The following RAPGEF2 variants were observed in gnomAD, a reference collection of about 807,000 sequenced individuals.
RAPGEF2 encodes the protein PDZ domain containing guanine nucleotide exchange factor (GEF) 1.
In RAPGEF2, 54 loss-of-function variants were observed where a neutral mutation model predicts 186.7. That is an observed-to-expected ratio of 0.29 (90% confidence interval 0.23 to 0.36). The LOEUF is 0.36. RAPGEF2 is among the 10% of genes least tolerant of loss of function. RAPGEF2 has a pLI of 1.00. For synonymous variants in RAPGEF2, 712 were observed against 705.9 expected, an observed-to-expected ratio of 1.01 and a Z score of -0.14; for missense variants, 1,532 against 2,045.0, an observed-to-expected ratio of 0.75 and a Z score of 4.84.
intron 7 of RAPGEF2, among the ~76,000 whole-genome samples, chr4:159,262,814 T>G (rs560902779): frequency 6.8e-6 from 1 of 146,582 alleles, no homozygotes; most frequent in Non-Finnish European, 1.5e-5. Flanking sequence ...ATAAACAGTT[T>G]GCCGTCAGAA....
chr4:159,276,929 T>A (rs1181793732), intron 7 of RAPGEF2, among the ~76,000 whole-genome samples: 3 of 152,230 alleles, frequency 2.0e-5, no homozygotes, highest in Non-Finnish European at 2.9e-5. Flanking sequence ...TATCTTTTTT[T>A]AATTATTATT....
chr4:159,227,959 A>C (rs571550288), intron 4 of RAPGEF2, among the ~76,000 whole-genome samples: 3 of 152,340 alleles, frequency 2.0e-5, no homozygotes, highest in East Asian at 3.9e-4. Context: ...TATTGCCAGC[A>C]CAAAGCATTT....
intron 17 of RAPGEF2, among the ~76,000 whole-genome samples, chr4:159,334,423 T>A (rs10020558): frequency 0.017 from 2,648 of 152,158 alleles, 77 homozygotes; most frequent in African/African-American, 0.059. Context: ...TAATTTTTTT[T>A]ATTTTTAGTA....
chr4:159,295,740 TGTGTGTGTGTGTGTGC>T (rs1381533276), intron 7 of RAPGEF2, among the ~76,000 whole-genome samples: 30 of 134,316 alleles, frequency 2.2e-4, no homozygotes, highest in African/African-American at 5.3e-4. Flanking sequence ...TGTGTGTGTG[TGTGTGTGTGTGTGTGC>T]GCGCGCGCGC....
intron 4 of RAPGEF2, among the ~76,000 whole-genome samples, chr4:159,225,821 A>G (rs1455305714): frequency 2.0e-5 from 3 of 152,160 alleles, no homozygotes; most frequent in Non-Finnish European, 4.4e-5. Flanking sequence ...GTTTTAAAAA[A>G]TTGGATTATT....
At chr4:159,170,683 TG>T (rs1367749110) in intron 1 of RAPGEF2, among the ~76,000 whole-genome samples, 1 of 152,230 alleles carries the variant, frequency 6.6e-6, no homozygotes, top group Non-Finnish European at 1.5e-5. Context: ...ACTGTTTTCT[TG>T]GCTATACAGA....
chr4:159,154,537 A>G (rs1453774106), intron 1 of RAPGEF2, among the ~76,000 whole-genome samples: 1 of 151,860 alleles, frequency 6.6e-6, no homozygotes, highest in African/African-American at 2.4e-5. Flanking sequence ...ACAACCACCA[A>G]AAAACAAATT....
intron 8 of RAPGEF2, among the ~76,000 whole-genome samples, chr4:159,311,762 A>G (rs958371250): frequency 1.3e-5 from 2 of 152,162 alleles, no homozygotes; most frequent in Admixed American, 6.5e-5. Context: ...TTTTAACTCC[A>G]CTTAATCTCT....
In RAPGEF2 at chr4:159,125,675, G is replaced by A. The variant is rs148476816; in HGVS notation, c.69+21444G>A. On this transcript the variant is annotated intron_variant, in intron 1 of 29. Coordinates refer to ENST00000691494, the MANE Select transcript of RAPGEF2 (RefSeq NM_001394067.2). ...CAGGAGGCTGAGGCAGGAGAATGGCGTGAACATGGGTGGCAGAGCTTGCAG... is the reference window on the plus strand; with the variant it reads ...CAGGAGGCTGAGGCAGGAGAATGGCATGAACATGGGTGGCAGAGCTTGCAG... Among the ~76,000 whole-genome samples, 32 of 151,878 alleles carry A rather than the reference G, an allele frequency of 2.1e-4. No homozygotes were observed. In the East Asian group the frequency reaches 3.3e-3, roughly 16 times the overall value.
chr4:159,295,754 TGCGC>T (rs66478721), intron 7 of RAPGEF2, among the ~76,000 whole-genome samples: 3,070 of 113,928 alleles, frequency 0.027, 33 homozygotes, highest in Non-Finnish European at 0.03. Flanking sequence ...TGTGTGTGTG[TGCGC>T]GCGCGCGCGC....
Position 159,241,815 on chromosome 4 carries a change from T to A in RAPGEF2, c.525+447T>A, listed in dbSNP as rs77378116. Among the ~76,000 whole-genome samples, 715 of 152,154 alleles carry A rather than the reference T, an allele frequency of 4.7e-3. 7 individuals are homozygous for A. Among genetic ancestry groups the A allele is most frequent in the African/African-American group, 0.016 (675 of 41,566 alleles). Reference sequence around the variant, plus strand: ...TCACTCCCAACCCAAATGACTGCTGTCATCCCTGTTTTTTATTTTAAAAGT... The same window carrying A: ...TCACTCCCAACCCAAATGACTGCTGACATCCCTGTTTTTTATTTTAAAAGT... On this transcript the variant is annotated intron_variant, in intron 6 of 29. Transcript: ENST00000691494.
At position 159,355,927 on chromosome 4, in the gene RAPGEF2, C is replaced by G; in HGVS notation, c.4726C>G (p.Pro1576Ala). ...GYIGIPITDF[P>A]EGHSHPARKP... ...CATTGGAATTCCCATTACTGACTTT[C>G]CAGAAGGGCACTCCCATCCAGCCAG... Residue 1576 changes from proline to alanine, a missense_variant, in exon 29 of 30, where the codon CCA becomes GCA. This residue lies in a region of RAPGEF2 where 594 missense variants were observed against 608.5 expected (regional missense o/e 0.98). Transcript: ENST00000691494. 1 of 1,247,184 alleles carries G rather than the reference C, an allele frequency of 8.0e-7. No homozygotes were observed. Among genetic ancestry groups the G allele is most frequent in the Non-Finnish European group, 1.1e-6 (1 of 937,420 alleles). 77.3% of individuals were successfully genotyped at this position (1,247,184 alleles called of 1,614,324 possible). A position where few individuals can be genotyped will look rare whatever the true frequency, so the allele number is the denominator to read the frequency against.
chr4:159,114,427 G>A (rs1738825568), intron 1 of RAPGEF2, among the ~76,000 whole-genome samples: 1 of 151,830 alleles, frequency 6.6e-6, no homozygotes, highest in Non-Finnish European at 1.5e-5. Context: ...TTTTAGATCT[G>A]TGTCTTGCTA....
intron 1 of RAPGEF2, among the ~76,000 whole-genome samples, chr4:159,170,807 T>A (rs1745835482): frequency 6.6e-6 from 1 of 152,212 alleles, no homozygotes; most frequent in Non-Finnish European, 1.5e-5. Context: ...ACTTTTCAGA[T>A]GTTTTCTACT....
intron 8 of RAPGEF2, among the ~76,000 whole-genome samples, chr4:159,304,853 G>A (rs1235411349): frequency 6.6e-6 from 1 of 152,066 alleles, no homozygotes; most frequent in African/African-American, 2.4e-5. Context: ...TCCCGCATGT[G>A]CTGAGTCTCC....
chr4:159,273,050 A>C (rs543759671), intron 7 of RAPGEF2, among the ~76,000 whole-genome samples: 31 of 152,308 alleles, frequency 2.0e-4, no homozygotes, highest in African/African-American at 7.5e-4. Context: ...AATGTAGAAA[A>C]AAAGCACCAG....
At chr4:159,155,806 CTT>C (rs1318096208) in intron 1 of RAPGEF2, among the ~76,000 whole-genome samples, 3 of 151,216 alleles carry the variant, frequency 2.0e-5, no homozygotes, top group Non-Finnish European at 4.4e-5. Context: ...TAATATAACA[CTT>C]ATAGCTATAA....
chr4:159,138,917 C>G (rs779970889), intron 1 of RAPGEF2, among the ~76,000 whole-genome samples: 3 of 152,128 alleles, frequency 2.0e-5, no homozygotes, highest in African/African-American at 7.2e-5. Flanking sequence ...AAGGAAATTT[C>G]TGGGGACAGT....
chr4:159,215,177 G>A (rs1459271569), intron 4 of RAPGEF2, among the ~76,000 whole-genome samples: 1 of 151,016 alleles, frequency 6.6e-6, no homozygotes, highest in Non-Finnish European at 1.5e-5. Context: ...GTTGTTGTTT[G>A]TTTGGTTTTT....
Sources: allele counts gnomAD v4.1 joint callset (sites outside exome capture counted in the v4.1 genomes callset), GRCh38; gene constraint gnomAD v4.1.1; regional missense constraint gnomAD v4.1.1; transcripts MANE v1.5; gene names NCBI Gene and HGNC (gene_info 2026-07-23, HGNC 2026-07-21).